The following PIK3CD variants were observed in gnomAD, a reference collection of about 807,000 sequenced individuals.
The protein encoded by PIK3CD is phosphatidylinositol-4,5-bisphosphate 3-kinase catalytic subunit delta.
PIK3CD carries 20 observed loss-of-function variants against 122.9 expected under a neutral mutation model. The observed-to-expected ratio is 0.16, with a 90% CI of 0.11 to 0.24. PIK3CD has a LOEUF of 0.24. Among genes scored for constraint, PIK3CD ranks in the 10% least tolerant of loss-of-function variants. PIK3CD has a pLI of 1.00. For missense variants in PIK3CD, 787 were observed against 1,406.3 expected (o/e 0.56, Z 7.04); for synonymous variants, 596 against 593.4 (o/e 1.00, Z -0.06).
intron 1 of PIK3CD, among the ~76,000 whole-genome samples, chr1:9,685,714 G>T (rs1313118555): frequency 6.6e-6 from 1 of 152,106 alleles, no homozygotes; most frequent in Non-Finnish European, 1.5e-5. Context: ...GTCCAGGCTC[G>T]AGTGCAGTGA....
intron 23 of PIK3CD, among the ~76,000 whole-genome samples, chr1:9,725,413 C>T (rs1456561845): frequency 6.6e-6 from 1 of 151,486 alleles, no homozygotes; most frequent in Admixed American, 6.6e-5. Context: ...ATTAGCTGGG[C>T]ATGGTGGTGC....
chr1:9,656,017 CA>C (rs1226740800), intron 1 of PIK3CD, among the ~76,000 whole-genome samples: 1 of 152,102 alleles, frequency 6.6e-6, no homozygotes, highest in Non-Finnish European at 1.5e-5. Context: ...ATTCTGAGCA[CA>C]GGGGGAGTGA....
Position 9,685,718 on chromosome 1 carries a change from GCAGTGACTATTGA to G in PIK3CD, c.-137-5745_-137-5733del, listed in dbSNP as rs1645941540. Among the ~76,000 whole-genome samples, 5 of 152,294 alleles carry G rather than the reference GCAGTGACTATTGA, an allele frequency of 3.3e-5. No individual in the cohort carries two copies. The South Asian group carries it at 1.0e-3, about 32-fold the overall frequency. ...CTCACTGTGTTGTCCAGGCTCGAGT[GCAGTGACTATTGA>G]CAGGTGCTATCAATAGCGCACTGCA... On this transcript the variant is annotated intron_variant, in intron 1 of 23. Transcript: ENST00000377346.
chr1:9,679,956 C>A (rs915214747), intron 1 of PIK3CD, among the ~76,000 whole-genome samples: 1 of 151,888 alleles, frequency 6.6e-6, no homozygotes, highest in Non-Finnish European at 1.5e-5. Flanking sequence ...TCCCGAGTAG[C>A]TGGGATTACA....
Position 9,715,773 on chromosome 1 carries a change from G to T in PIK3CD, c.370+4G>T, listed in dbSNP as rs1363950396. On this transcript the variant is annotated splice_donor_region_variant and intron_variant, in intron 4 of 23. Transcript: ENST00000377346. The surrounding 1 kb of genome is among the most constrained non-coding windows in gnomAD (Gnocchi z 4.1). ...ATCAGCCTCCTCATCGGCAAAGGTAGCTCTGCCGAGTGGGCCGTGTGGCCG... is the reference window on the plus strand; with the variant it reads ...ATCAGCCTCCTCATCGGCAAAGGTATCTCTGCCGAGTGGGCCGTGTGGCCG... 1 of 1,612,846 alleles carries T rather than the reference G, an allele frequency of 6.2e-7. No individual in the cohort carries two copies. The highest frequency in any genetic ancestry group is 1.1e-5 in the South Asian group (1 of 91,084).
chr1:9,708,015 C>T (rs1338818152), intron 2 of PIK3CD, among the ~76,000 whole-genome samples: 2 of 151,770 alleles, frequency 1.3e-5, no homozygotes, highest in Non-Finnish European at 2.9e-5. Context: ...AGGATGGTCT[C>T]GATCTCCTGA....
At chr1:9,663,272 C>T (rs1344750164) in intron 1 of PIK3CD, among the ~76,000 whole-genome samples, 1 of 152,192 alleles carries the variant, frequency 6.6e-6, no homozygotes, top group Non-Finnish European at 1.5e-5. Flanking sequence ...TTCAGGGCCT[C>T]CCACCAGGGA....
chr1:9,709,204 ATTT>A (rs1371051105), intron 2 of PIK3CD, among the ~76,000 whole-genome samples: 1 of 151,680 alleles, frequency 6.6e-6, no homozygotes, highest in Non-Finnish European at 1.5e-5. Flanking sequence ...TAATTTTTAT[ATTT>A]TTAGTAGAGA....
intron 1 of PIK3CD, among the ~76,000 whole-genome samples, chr1:9,679,810 CTGT>C (rs1403251663): frequency 2.0e-5 from 3 of 152,052 alleles, no homozygotes; most frequent in South Asian, 2.1e-4. Flanking sequence ...TTTTTTGTTG[CTGT>C]TGTTGTTATT....
At chr1:9,678,597 C>T (rs1645628699) in intron 1 of PIK3CD, among the ~76,000 whole-genome samples, 1 of 152,188 alleles carries the variant, frequency 6.6e-6, no homozygotes, top group Admixed American at 6.5e-5. Flanking sequence ...CTCTTTCATC[C>T]ACAGACTCTG....
chr1:9,702,057 C>T (rs1024069129), intron 2 of PIK3CD, among the ~76,000 whole-genome samples: 4 of 150,650 alleles, frequency 2.7e-5, no homozygotes, highest in South Asian at 2.1e-4. Flanking sequence ...TGCAGTGGTG[C>T]GATCTCGGCT....
At chr1:9,687,383 C>G (rs1646004449) in intron 1 of PIK3CD, 1 of 152,512 alleles carries the variant, frequency 6.6e-6, no homozygotes, top group Non-Finnish European at 1.5e-5. Context: ...TCTGTCTGCC[C>G]GTCCAAGGTC....
the PIK3CD span, among the ~76,000 whole-genome samples, chr1:9,636,755 G>A: frequency 0.01 from 1,597 of 152,190 alleles, 22 homozygotes; most frequent in African/African-American, 0.036. Context: ...CCTCCTACCC[G>A]GCTTCAGGGT....
intron 2 of PIK3CD, 38 bp downstream of exon 2, chr1:9,691,609 G>T (rs563022123): frequency 5.8e-5 from 23 of 398,408 alleles, no homozygotes; most frequent in Non-Finnish European, 1.0e-4. Context: ...TGGGGGAAGG[G>T]AAAGGAGATG....
chr1:9,638,234 T>C, the PIK3CD span, among the ~76,000 whole-genome samples: 20 of 152,138 alleles, frequency 1.3e-4, no homozygotes, highest in Non-Finnish European at 2.6e-4. Context: ...GGAAAGATCC[T>C]ATCAGAGGAA....
At chr1:9,725,482 G>A (rs948065736) in intron 23 of PIK3CD, among the ~76,000 whole-genome samples, 2 of 152,152 alleles carry the variant, frequency 1.3e-5, no homozygotes, top group African/African-American at 2.4e-5. Context: ...TTGAACCCAG[G>A]AGGCGGAGGT....
At chr1:9,696,269 G>A (rs1646413123) in intron 2 of PIK3CD, among the ~76,000 whole-genome samples, 1 of 151,928 alleles carries the variant, frequency 6.6e-6, no homozygotes, top group African/African-American at 2.4e-5. Context: ...ATGGCACTTG[G>A]CCCACAAACT....
chr1:9,680,582 T>C, intron 1 of PIK3CD: 1 of 158,844 alleles, frequency 6.3e-6, no homozygotes, highest in Non-Finnish European at 1.4e-5. Flanking sequence ...GATTTGCCTG[T>C]TCTGGACATT....
intron 1 of PIK3CD, chr1:9,688,142 G>C (rs965989759): frequency 1.3e-5 from 2 of 152,208 alleles, no homozygotes; most frequent in African/African-American, 4.8e-5. Flanking sequence ...CACGAGGAAG[G>C]CTCCTGGAGC....
Sources: allele counts gnomAD v4.1 joint callset (sites outside exome capture counted in the v4.1 genomes callset), GRCh38; gene constraint gnomAD v4.1.1; non-coding constraint Gnocchi (gnomAD v3.1); transcripts MANE v1.5; gene names NCBI Gene and HGNC (gene_info 2026-07-23, HGNC 2026-07-21).